MAGI2: variants seen among roughly 807,000 people sequenced by gnomAD.
The protein encoded by MAGI2 is membrane associated guanylate kinase, WW and PDZ domain containing 2.
Under a neutral mutation model 133.3 loss-of-function variants are expected in MAGI2, and 35 were observed. The observed-to-expected ratio is 0.26, with a 90% CI of 0.20 to 0.35. The LOEUF is 0.35. Among genes scored for constraint, MAGI2 ranks in the 10% least tolerant of loss-of-function variants. MAGI2 has a pLI of 1.00. For synonymous variants in MAGI2, 729 were observed against 710.6 expected (o/e 1.03, Z -0.41); for missense variants, 1,636 against 1,863.4 (o/e 0.88, Z 2.25).
intron 2 of MAGI2, among the ~76,000 whole-genome samples, chr7:78,717,120 G>A (rs999211398): frequency 4.6e-5 from 7 of 152,002 alleles, no homozygotes; most frequent in Admixed American, 3.9e-4. Context: ...ACCTACAACT[G>A]CCCCAGCCTG....
At chr7:78,888,821 C>T (rs1365615222) in intron 2 of MAGI2, among the ~76,000 whole-genome samples, 2 of 152,096 alleles carry the variant, frequency 1.3e-5, no homozygotes, top group African/African-American at 2.4e-5. Context: ...AATCACAGTG[C>T]CTCTCCTCCT....
At chr7:78,633,703 C>T (rs1329874465) in intron 2 of MAGI2, among the ~76,000 whole-genome samples, 2 of 88,002 alleles carry the variant, frequency 2.3e-5, no homozygotes, top group East Asian at 5.5e-4. Flanking sequence ...GAGACTCCGT[C>T]TCAAAAAAAA....
At chr7:78,413,923 T>C (rs1323952287) in intron 6 of MAGI2, among the ~76,000 whole-genome samples, 1 of 152,210 alleles carries the variant, frequency 6.6e-6, no homozygotes, top group East Asian at 1.9e-4. Context: ...AGAATCCATG[T>C]TGTATTTAGA....
At chr7:78,375,343 G>T (rs77050492) in intron 6 of MAGI2, among the ~76,000 whole-genome samples, 2,268 of 152,174 alleles carry the variant, frequency 0.015, 50 homozygotes, top group African/African-American at 0.052. Context: ...GTCAGGCATT[G>T]TTCCTTTCTT....
chr7:78,058,348 C>A (rs962972882), intron 21 of MAGI2, among the ~76,000 whole-genome samples: 2 of 152,068 alleles, frequency 1.3e-5, no homozygotes, highest in African/African-American at 4.8e-5. Flanking sequence ...CAGCCTCCCT[C>A]CCCCCACTTT....
At chr7:78,094,300 C>T (rs1275708571) in intron 20 of MAGI2, among the ~76,000 whole-genome samples, 1 of 152,160 alleles carries the variant, frequency 6.6e-6, no homozygotes, top group Non-Finnish European at 1.5e-5. Flanking sequence ...TTGGTTCCTG[C>T]CTTAAACTAT....
At chr7:78,285,235 C>CA in intron 9 of MAGI2, among the ~76,000 whole-genome samples, 1 of 152,060 alleles carries the variant, frequency 6.6e-6, no homozygotes, top group African/African-American at 2.4e-5. Flanking sequence ...ATCTAGGTTA[C>CA]GCATCCAAAA....
intron 1 of MAGI2, among the ~76,000 whole-genome samples, chr7:79,222,164 C>T (rs981450365): frequency 6.6e-6 from 1 of 151,902 alleles, no homozygotes; most frequent in African/African-American, 2.4e-5. Context: ...CCTTCTATGA[C>T]CTCATATTAA....
At chr7:79,331,230 G>A (rs1044045935) in intron 1 of MAGI2, among the ~76,000 whole-genome samples, 2 of 152,116 alleles carry the variant, frequency 1.3e-5, no homozygotes, top group Non-Finnish European at 2.9e-5. Flanking sequence ...TCCAGCTAAA[G>A]TTATTTATAT....
chr7:78,584,902 A>T (rs995524614), intron 3 of MAGI2, among the ~76,000 whole-genome samples: 1 of 152,216 alleles, frequency 6.6e-6, no homozygotes, highest in Non-Finnish European at 1.5e-5. Flanking sequence ...AGATAATAAT[A>T]TGTACCTCAC....
intron 1 of MAGI2, among the ~76,000 whole-genome samples, chr7:79,071,938 C>A (rs1423087549): frequency 6.6e-6 from 1 of 152,140 alleles, no homozygotes; most frequent in Non-Finnish European, 1.5e-5. Context: ...TGGAGGGAAT[C>A]TCTTGTTCTG....
chr7:78,259,244 G>A (rs1157411195), intron 9 of MAGI2, among the ~76,000 whole-genome samples: 1 of 151,480 alleles, frequency 6.6e-6, no homozygotes, highest in African/African-American at 2.4e-5. Context: ...TTTCATTCTT[G>A]CTCCAACATT....
intron 1 of MAGI2, among the ~76,000 whole-genome samples, chr7:79,384,604 T>A (rs1319263551): frequency 2.0e-5 from 3 of 151,654 alleles, no homozygotes; most frequent in Non-Finnish European, 4.4e-5. Context: ...GGTTTTCTCA[T>A]TAGCTATTGA....
In MAGI2 at chr7:78,597,377, G is replaced by T. The variant is rs919076994; in HGVS notation, c.538+29743C>A. Among the ~76,000 whole-genome samples the T allele has an allele frequency of 1.8e-4, 21 of 116,558 alleles. 1 individual carries two copies. Among genetic ancestry groups the T allele is most frequent in the South Asian group, 7.5e-4 (3 of 3,998 alleles). 76.5% of individuals were successfully genotyped at this position (116,558 alleles called of 152,430 possible). ...ACAGTAAAATAAATGAATTCCTTGG[G>T]GGGGGGGGTCTTATAAATAATTTTA... On this transcript the variant is annotated intron_variant, in intron 3 of 21. Transcript: ENST00000354212.
At chr7:79,366,796 C>T (rs979745540) in intron 1 of MAGI2, among the ~76,000 whole-genome samples, 2 of 151,956 alleles carry the variant, frequency 1.3e-5, no homozygotes, top group Non-Finnish European at 2.9e-5. Flanking sequence ...CTTTTCTGTC[C>T]TATAACTATT....
intron 1 of MAGI2, among the ~76,000 whole-genome samples, chr7:79,158,557 T>A (rs555182263): frequency 1.3e-5 from 2 of 152,218 alleles, no homozygotes; most frequent in Admixed American, 1.3e-4. Context: ...ATAAGGGTTA[T>A]AAAACTAGAA....
intron 1 of MAGI2, among the ~76,000 whole-genome samples, chr7:79,440,224 AT>A (rs1380956838): frequency 1.3e-5 from 2 of 149,436 alleles, no homozygotes; most frequent in East Asian, 3.9e-4. Context: ...AAGTTAATGG[AT>A]TCTAGCCTTG....
intron 1 of MAGI2, among the ~76,000 whole-genome samples, chr7:79,230,314 G>T (rs1831250982): frequency 6.6e-6 from 1 of 151,966 alleles, no homozygotes; most frequent in Admixed American, 6.6e-5. Context: ...CCCAGTAATG[G>T]GATGGCTGAG....
At chr7:79,131,962 C>T (rs1417587426) in intron 1 of MAGI2, among the ~76,000 whole-genome samples, 1 of 151,990 alleles carries the variant, frequency 6.6e-6, no homozygotes, top group South Asian at 2.1e-4. Flanking sequence ...AAACACAAAA[C>T]CAGATATTAA....
Sources: gnomAD v4.1 joint callset for allele counts (sites outside exome capture counted in the v4.1 genomes callset) on GRCh38, gnomAD v4.1.1 for gene constraint, MANE v1.5 for transcripts, NCBI Gene and HGNC (gene_info 2026-07-23, HGNC 2026-07-21) for gene names.